Variants in RAI1 observed in about 807,000 individuals in gnomAD.
RAI1 encodes the protein retinoic acid-induced protein 1.
RAI1 carries 9 observed loss-of-function variants against 123.8 expected under a neutral mutation model. That is an observed-to-expected ratio of 0.07 (90% CI 0.04 to 0.13). The LOEUF (loss-of-function observed/expected upper bound fraction) is 0.13. Ranked by LOEUF, RAI1 falls within the 10% of genes least tolerant of loss-of-function variation. RAI1 has a pLI of 1.00. For synonymous variants in RAI1, 1,231 were observed against 1,127.3 expected, an observed-to-expected ratio of 1.09 and a Z score of -1.84; for missense variants, 2,256 against 2,545.8, an observed-to-expected ratio of 0.89 and a Z score of 2.45.
At chr17:17,762,332 G>T (rs572429014) in intron 2 of RAI1, among the ~76,000 whole-genome samples, 74 of 152,254 alleles carry the variant, frequency 4.9e-4, no homozygotes, top group Admixed American at 4.1e-3. Flanking sequence ...CAAAGGCCTG[G>T]GGGTCAGGGG....
At chr17:17,724,569 AG>A (rs1181702846) in intron 2 of RAI1, among the ~76,000 whole-genome samples, 1 of 151,578 alleles carries the variant, frequency 6.6e-6, no homozygotes, top group Admixed American at 6.6e-5. Context: ...ACGGATGGGG[AG>A]GCGAGAGATG....
intron 4 of RAI1, among the ~76,000 whole-genome samples, chr17:17,804,995 T>C (rs971503316): frequency 6.6e-6 from 1 of 152,130 alleles, no homozygotes; most frequent in African/African-American, 2.4e-5. Context: ...CTCAAGTAGC[T>C]GGGACTACAG....
chr17:17,768,534 G>T (rs1259015959), intron 2 of RAI1, among the ~76,000 whole-genome samples: 2 of 152,238 alleles, frequency 1.3e-5, no homozygotes, highest in East Asian at 3.9e-4. Flanking sequence ...CAGGTGGCTT[G>T]CCCAGTTTAC....
In RAI1 at chr17:17,748,023, G is replaced by A. The variant is rs969316991; in HGVS notation, c.-17+23864G>A. On this transcript the variant is annotated intron_variant, in intron 2 of 5. Transcript: ENST00000353383. ...AGGCTACAGTGAGCTGTGATCGTGC[G>A]ACTGCACTCCAGCCTGGGCGACAGA... Among the ~76,000 whole-genome samples, 13 of 152,322 alleles carry A rather than the reference G, an allele frequency of 8.5e-5. No homozygotes were observed. In the South Asian group the frequency reaches 1.0e-3, roughly 12 times the overall value.
intron 2 of RAI1, among the ~76,000 whole-genome samples, chr17:17,730,862 G>C (rs1916245915): frequency 6.6e-6 from 1 of 152,254 alleles, no homozygotes; most frequent in Non-Finnish European, 1.5e-5. Context: ...CGGAGAGGCA[G>C]AGAAGCTTTG....
intron 1 of RAI1, among the ~76,000 whole-genome samples, chr17:17,718,168 A>C (rs1915769231): frequency 1.3e-5 from 2 of 151,992 alleles, no homozygotes; most frequent in Admixed American, 6.5e-5. Flanking sequence ...GTGGCCACCA[A>C]GGCAAGCCTT....
intron 2 of RAI1, among the ~76,000 whole-genome samples, chr17:17,726,656 G>A (rs1598038245): frequency 6.6e-6 from 1 of 152,176 alleles, no homozygotes; most frequent in South Asian, 2.1e-4. Context: ...TCAATTGGAA[G>A]CATCTAGCCC....
chr17:17,694,701 C>T (rs890052600), intron 1 of RAI1, among the ~76,000 whole-genome samples: 4 of 151,172 alleles, frequency 2.6e-5, no homozygotes, highest in Non-Finnish European at 4.4e-5. Flanking sequence ...GGTCGGGGCC[C>T]GCGACGCCGA....
Position 17,795,757 on chromosome 17 carries a change from A to G in RAI1, c.2809A>G (p.Lys937Glu). 1 of 1,613,550 alleles carries G rather than the reference A, an allele frequency of 6.2e-7. No individual in the cohort carries two copies. The highest frequency in any genetic ancestry group is 8.5e-7 in the Non-Finnish European group (1 of 1,180,008). The part of the protein sequence containing the change: ...LLGPTVGTES[K>E]VQSWFESSLS... ...GGGCCCTACAGTGGGCACCGAGTCA[A>G]AGGTCCAGAGCTGGTTTGAGTCCTC... The change falls in exon 3 of 6, where the codon AAG becomes GAG. Residue 937 changes from lysine (K) to glutamate (E), a missense_variant. This residue lies in a region of RAI1 where 566 missense variants were observed against 616.0 expected (regional missense o/e 0.92). Transcript: ENST00000353383. The surrounding 1 kb of genome is among the most constrained non-coding windows in gnomAD (Gnocchi z 5.9).
At chr17:17,757,824 G>A (rs1299819348) in intron 2 of RAI1, among the ~76,000 whole-genome samples, 2 of 152,244 alleles carry the variant, frequency 1.3e-5, no homozygotes, top group African/African-American at 4.8e-5. Context: ...GCGCCGGGGC[G>A]GGAGAGGCTG....
intron 1 of RAI1, among the ~76,000 whole-genome samples, chr17:17,694,831 G>C (rs1351938418): frequency 1.3e-5 from 2 of 151,132 alleles, no homozygotes; most frequent in Non-Finnish European, 3.0e-5. Flanking sequence ...GCCGCGGGGC[G>C]GGGCGGGGTG....
intron 2 of RAI1, among the ~76,000 whole-genome samples, chr17:17,749,408 T>C (rs527729190): frequency 1.2e-4 from 19 of 152,378 alleles, no homozygotes; most frequent in African/African-American, 4.6e-4. Context: ...GCGGAGGTCT[T>C]TCTGCCCACT....
At chr17:17,786,053 G>A (rs1373365401) in intron 2 of RAI1, among the ~76,000 whole-genome samples, 1 of 152,010 alleles carries the variant, frequency 6.6e-6, no homozygotes, top group East Asian at 1.9e-4. Flanking sequence ...CAGAAGCTTT[G>A]GCACCCTGGC....
Position 17,777,618 on chromosome 17 carries a change from G to GC in RAI1, c.-16-15311dup, listed in dbSNP as rs2031394610. Reference sequence around the variant, plus strand: ...CTGCAGTCATGGGGATGGGGGCCCAGCCCCTAGGATGGATGCTCAGGCCTC... The same window carrying GC: ...CTGCAGTCATGGGGATGGGGGCCCAGCCCCCTAGGATGGATGCTCAGGCCTC... On this transcript the variant is annotated intron_variant, in intron 2 of 5. Transcript: ENST00000353383. 2.6e-5 allele frequency: 4 copies of GC among 152,294 alleles called. No homozygotes were observed. In the South Asian group the frequency reaches 8.3e-4, roughly 32 times the overall value. The allele number at this position is 152,294 out of a possible 1,614,324, so 9.4% of individuals were successfully genotyped here.
chr17:17,759,604 G>C (rs1048127918), intron 2 of RAI1, among the ~76,000 whole-genome samples: 1 of 151,992 alleles, frequency 6.6e-6, no homozygotes, highest in African/African-American at 2.4e-5. Flanking sequence ...CCTGCTTTTC[G>C]CCCTTCATAC....
intron 2 of RAI1, among the ~76,000 whole-genome samples, chr17:17,742,791 G>A (rs1379881032): frequency 6.6e-6 from 1 of 152,104 alleles, no homozygotes; most frequent in East Asian, 1.9e-4. Context: ...CCTTGCACAC[G>A]CACTGTTCTA....
At chr17:17,804,228 A>C (rs2032553687) in intron 4 of RAI1, 2 of 328,384 alleles carry the variant, frequency 6.1e-6, no homozygotes, top group African/African-American at 2.2e-5. Flanking sequence ...CACTCAGCAG[A>C]GACAAGGGGA....
intron 2 of RAI1, among the ~76,000 whole-genome samples, chr17:17,771,763 C>T (rs1050478403): frequency 6.6e-6 from 1 of 152,278 alleles, no homozygotes; most frequent in South Asian, 2.1e-4. Flanking sequence ...ATGGGAATCT[C>T]GCTCCCTTCC....
Position 17,810,098 on chromosome 17 carries a change from A to G in RAI1, c.*117A>G. 7.4e-7 allele frequency: 1 copy of G among 1,358,932 alleles called. No homozygotes were observed. Among genetic ancestry groups the G allele is most frequent in the Non-Finnish European group, 9.8e-7 (1 of 1,015,572 alleles). The allele number at this position is 1,358,932 out of a possible 1,614,324, so 84.2% of individuals were successfully genotyped here. On this transcript the variant is annotated 3_prime_UTR_variant, in exon 6 of 6. Transcript: ENST00000353383. The surrounding 1 kb of genome is among the most constrained non-coding windows in gnomAD (Gnocchi z 4.6). The stretch of plus-strand genomic sequence containing the variant: ...TGAGCTGCTCCCAGCGCTGGTCCAG[A>G]GCCGATCCTTGATCCGGGTCCCGGA...
Sources: gnomAD v4.1 joint callset for allele counts (sites outside exome capture counted in the v4.1 genomes callset) on GRCh38, gnomAD v4.1.1 for gene constraint, gnomAD v4.1.1 regional missense constraint, Gnocchi (gnomAD v3.1) non-coding constraint, MANE v1.5 for transcripts, NCBI Gene and HGNC (gene_info 2026-07-23, HGNC 2026-07-21) for gene names.